OLFM2: variants seen among roughly 807,000 people sequenced by gnomAD.
The protein encoded by OLFM2 is olfactomedin 2, also known as noelin-2.
Under a neutral mutation model 43.9 loss-of-function variants are expected in OLFM2, and 20 were observed. The observed-to-expected ratio is 0.46, with a 90% CI of 0.32 to 0.66. The LOEUF (loss-of-function observed/expected upper bound fraction) is 0.66, where lower values mean the gene tolerates loss of function less well. Among genes scored for constraint, OLFM2 ranks in the 30% least tolerant of loss-of-function variants. The pLI, the probability that OLFM2 is intolerant of heterozygous loss-of-function variation, is 0.04. For missense variants in OLFM2, 416 were observed against 643.6 expected, an observed-to-expected ratio of 0.65 and a Z score of 3.83; for synonymous variants, 268 against 278.6, an observed-to-expected ratio of 0.96 and a Z score of 0.38.
intron 1 of OLFM2, among the ~76,000 whole-genome samples, chr19:9,925,552 A>ATT (rs1344675727): frequency 6.6e-6 from 1 of 151,786 alleles, no homozygotes; most frequent in Non-Finnish European, 1.5e-5. Flanking sequence ...GGGCTCAAGT[A>ATT]ATCCTCCCAC....
At chr19:9,894,937 A>C (rs2046670409) in intron 1 of OLFM2, among the ~76,000 whole-genome samples, 1 of 151,966 alleles carries the variant, frequency 6.6e-6, no homozygotes, top group South Asian at 2.1e-4. Flanking sequence ...GATATCTCTA[A>C]GGCATCTCAA....
chr19:9,925,535 A>G (rs1203918621), intron 1 of OLFM2, among the ~76,000 whole-genome samples: 1 of 151,322 alleles, frequency 6.6e-6, no homozygotes, highest in Non-Finnish European at 1.5e-5. Flanking sequence ...TGCAGCCTTG[A>G]CCTCCTGGGC....
chr19:9,913,646 C>A, intron 1 of OLFM2: 1 of 1,216,536 alleles, frequency 8.2e-7, no homozygotes, highest in South Asian at 2.2e-5. Flanking sequence ...CCCGCGGCCG[C>A]CCGCCGCGCG....
intron 1 of OLFM2, among the ~76,000 whole-genome samples, chr19:9,873,884 C>G (rs1035538178): frequency 7.6e-6 from 1 of 131,272 alleles, no homozygotes; most frequent in Non-Finnish European, 1.5e-5. Context: ...CTCCTGACCT[C>G]AAGCGATCTT....
chr19:9,866,558 G>A (rs929900312), intron 1 of OLFM2, among the ~76,000 whole-genome samples: 2 of 146,934 alleles, frequency 1.4e-5, no homozygotes, highest in Non-Finnish European at 3.0e-5. Flanking sequence ...GGAGTGCAGT[G>A]GCATGATCTA....
At chr19:9,898,202 C>T (rs913430437) in intron 1 of OLFM2, among the ~76,000 whole-genome samples, 2 of 149,390 alleles carry the variant, frequency 1.3e-5, no homozygotes, top group African/African-American at 2.5e-5. Flanking sequence ...TGAGCCATAG[C>T]GCCTGGCCCC....
At chr19:9,913,289 G>A (rs545869747) in intron 1 of OLFM2, among the ~76,000 whole-genome samples, 1 of 152,228 alleles carries the variant, frequency 6.6e-6, no homozygotes, top group Non-Finnish European at 1.5e-5. Context: ...TAGGGGTCCC[G>A]GGGCTCCTTC....
In OLFM2 at chr19:9,894,413, A is replaced by AATAATAATAATAAT. The variant is rs34172574; in HGVS notation, c.64-33620_64-33619insATTATTATTATTAT. Reference sequence around the variant, plus strand: ...TAATAATAATAATAATAATAATAATAAATAAATAAAATAAAGCCAGGTGCA... The same window carrying AATAATAATAATAAT: ...TAATAATAATAATAATAATAATAATAATAATAATAATAATAATAAATAAAATAAAGCCAGGTGCA... On this transcript the variant is annotated intron_variant, in intron 1 of 5. Coordinates refer to ENST00000264833, the MANE Select transcript of OLFM2 (RefSeq NM_058164.4). Among the ~76,000 whole-genome samples the AATAATAATAATAAT allele has an allele frequency of 1.3e-3, 134 of 103,656 alleles. 1 individual carries two copies. Among genetic ancestry groups the AATAATAATAATAAT allele is most frequent in the Admixed American group, 1.8e-3 (21 of 11,646 alleles). The allele number at this position is 103,656 out of a possible 152,430, so 68.0% of individuals were successfully genotyped here.
At chr19:9,898,748 A>G (rs954972307) in intron 1 of OLFM2, among the ~76,000 whole-genome samples, 4 of 152,024 alleles carry the variant, frequency 2.6e-5, no homozygotes, top group African/African-American at 9.7e-5. Context: ...TCTTCCCCCA[A>G]TTCATCACAT....
chr19:9,857,086 G>T lies in OLFM2; in HGVS notation c.581-173C>A. On this transcript the variant is annotated intron_variant, in intron 4 of 5. Transcript: ENST00000264833. This position sits in a 1 kb window ranked among gnomAD's most constrained non-coding sequence, Gnocchi z 5.7. ...TTGTGAGTGAGGGGTTAGAGGCCAA[G>T]GGTCAGGGCCATTTCCAGCTTCTGG... 1 of 813,044 alleles carries T rather than the reference G, an allele frequency of 1.2e-6. No homozygotes were observed. Among genetic ancestry groups the T allele is most frequent in the Non-Finnish European group, 2.0e-6 (1 of 496,704 alleles). The allele number at this position is 813,044 out of a possible 1,614,324, so 50.4% of individuals were successfully genotyped here.
In OLFM2 at chr19:9,874,222, CAT is replaced by C. The variant is rs1025038176; in HGVS notation, c.64-13430_64-13429del. ...CCCACGTTACACTCAGTGGTTATCA[CAT>C]GTCTTTAGACTTATCTGGTCTATGA... On this transcript the variant is annotated intron_variant, in intron 1 of 5. Transcript: ENST00000264833. Among the ~76,000 whole-genome samples the C allele has an allele frequency of 1.4e-4, 21 of 152,124 alleles. No individual in the cohort carries two copies. In the East Asian group the frequency reaches 2.7e-3, roughly 20 times the overall value.
intron 1 of OLFM2, among the ~76,000 whole-genome samples, chr19:9,861,864 AC>A (rs2046367284): frequency 6.6e-6 from 1 of 152,190 alleles, no homozygotes; most frequent in Non-Finnish European, 1.5e-5. Context: ...TACTAAAAAT[AC>A]AAAAATTAGC....
rs1344309132 is a variant in OLFM2 at position 9,854,780 on chromosome 19, A to G, written c.771T>C (p.Phe257=). The part of the protein sequence containing the change: ...TLGDFIKGQN[F]IQHLLPQPWA... ...ACGGCTGGGGCAGCAGGTGCTGGAT[A>G]AAGTTCTGGCCTTTGATGAAGTCTC... Residue 257 remains phenylalanine (F), a synonymous_variant, in exon 6 of 6, where the codon TTT becomes TTC. Transcript: ENST00000264833. The surrounding 1 kb of genome is among the most constrained non-coding windows in gnomAD (Gnocchi z 9.5). The G allele has an allele frequency of 4.3e-6, 7 of 1,612,708 alleles. No individual in the cohort carries two copies. The Middle Eastern group carries it at 5.0e-4, about 114-fold the overall frequency.
chr19:9,865,495 T>C lies in OLFM2; in HGVS notation c.64-4701A>G, dbSNP rs188758612. ...ACCTCTCTGTTTTTTCTTTTTTTTT[T>C]TTTTTTTTTTTTTTGAGAGGGAGTC... is the stretch of plus-strand genomic sequence containing the variant. On this transcript the variant is annotated intron_variant, in intron 1 of 5. Transcript: ENST00000264833. Among the ~76,000 whole-genome samples the C allele has an allele frequency of 9.9e-3, 1,307 of 132,064 alleles. 6 individuals are homozygous for C. The highest frequency in any genetic ancestry group is 0.022 in the Middle Eastern group (6 of 278). The allele number at this position is 132,064 out of a possible 152,430, so 86.6% of individuals were successfully genotyped here. A position where few individuals can be genotyped will look rare whatever the true frequency, so the allele number is the denominator to read the frequency against.
At chr19:9,919,315 T>C (rs868337339) in intron 1 of OLFM2, among the ~76,000 whole-genome samples, 25 of 151,782 alleles carry the variant, frequency 1.6e-4, no homozygotes, top group East Asian at 5.9e-4. Context: ...TACAGGCGCC[T>C]ACCACCACGC....
chr19:9,860,872 C>A, intron 1 of OLFM2, 78 bp from the exon 2 acceptor site: 1 of 1,443,744 alleles, frequency 6.9e-7, no homozygotes, highest in East Asian at 2.4e-5. Context: ...GAAGGGGGCC[C>A]AAGGAAACCA....
intron 1 of OLFM2, among the ~76,000 whole-genome samples, chr19:9,916,342 CGAGT>C (rs1301003839): frequency 6.6e-6 from 1 of 151,978 alleles, no homozygotes; most frequent in African/African-American, 2.4e-5. Flanking sequence ...GGGCGACAGA[CGAGT>C]GAGACCCTGT....
intron 2 of OLFM2, among the ~76,000 whole-genome samples, chr19:9,860,384 G>C (rs1036755511): frequency 1.3e-5 from 2 of 151,624 alleles, no homozygotes; most frequent in African/African-American, 4.9e-5. Context: ...TGAGGAGTGG[G>C]GATTGCTTGA....
intron 1 of OLFM2, among the ~76,000 whole-genome samples, chr19:9,916,221 G>T (rs1175004244): frequency 6.6e-6 from 1 of 152,098 alleles, no homozygotes; most frequent in Non-Finnish European, 1.5e-5. Flanking sequence ...GCCGGGTATG[G>T]TGGTGCACGC....
Sources: gnomAD v4.1 joint callset for allele counts (sites outside exome capture counted in the v4.1 genomes callset) on GRCh38, gnomAD v4.1.1 for gene constraint, Gnocchi (gnomAD v3.1) non-coding constraint, MANE v1.5 for transcripts, NCBI Gene and HGNC (gene_info 2026-07-23, HGNC 2026-07-21) for gene names.